The following MRAP2 variants were observed in gnomAD, a reference collection of about 807,000 sequenced individuals.
The protein encoded by MRAP2 is melanocortin-2 receptor accessory protein 2.
A neutral mutation model predicts 17.4 loss-of-function variants in MRAP2; 20 were observed. That is an observed-to-expected ratio of 1.15 (90% CI 0.81 to 1.67). The LOEUF is 1.67. Among genes scored for constraint, MRAP2 ranks in the 40% most tolerant of loss-of-function variants. MRAP2 has a pLI of 0.00. For synonymous variants in MRAP2, 96 were observed against 88.4 expected (o/e 1.09, Z -0.48); for missense variants, 238 against 240.0 (o/e 0.99, Z 0.05).
At chr6:84,134,917 TATACAC>T in the MRAP2 span, among the ~76,000 whole-genome samples, 16 of 73,572 alleles carry the variant, frequency 2.2e-4, no homozygotes, top group East Asian at 2.5e-3. Flanking sequence ...AAAGATCATA[TATACAC>T]ACACACACAC....
the MRAP2 span, among the ~76,000 whole-genome samples, chr6:84,104,319 T>C: frequency 6.6e-6 from 1 of 152,174 alleles, no homozygotes; most frequent in African/African-American, 2.4e-5. Flanking sequence ...GTGCCTGGGA[T>C]GGAAGGGGCT....
chr6:84,142,870 GCC>G, the MRAP2 span, among the ~76,000 whole-genome samples: 3,665 of 152,124 alleles, frequency 0.024, 136 homozygotes, highest in African/African-American at 0.084. Flanking sequence ...TGTGCTGCTT[GCC>G]TAACCTGCAT....
At chr6:84,096,747 G>T in the MRAP2 span, among the ~76,000 whole-genome samples, 1 of 152,108 alleles carries the variant, frequency 6.6e-6, no homozygotes, top group Non-Finnish European at 1.5e-5. Flanking sequence ...GGCACAAATT[G>T]CACTACAGAA....
the MRAP2 span, among the ~76,000 whole-genome samples, chr6:84,109,984 C>T: frequency 6.6e-6 from 1 of 152,136 alleles, no homozygotes; most frequent in African/African-American, 2.4e-5. Context: ...GCCATATTTG[C>T]TTTATCCAGT....
chr6:84,140,448 C>T, the MRAP2 span, among the ~76,000 whole-genome samples: 27 of 152,036 alleles, frequency 1.8e-4, no homozygotes, highest in Non-Finnish European at 3.1e-4. Context: ...CTTTGGATAT[C>T]GAGGGAGATT....
At chr6:84,100,647 A>G in the MRAP2 span, among the ~76,000 whole-genome samples, 3 of 152,272 alleles carry the variant, frequency 2.0e-5, no homozygotes, top group Admixed American at 6.5e-5. Flanking sequence ...CTTGAAAGCT[A>G]TATTTTTCAA....
chr6:84,076,653 C>A (rs2099497708), intron 3 of MRAP2, among the ~76,000 whole-genome samples: 1 of 152,184 alleles, frequency 6.6e-6, no homozygotes, highest in Non-Finnish European at 1.5e-5. Context: ...AGCCACTGCG[C>A]CTGGCCAGGC....
chr6:84,055,129 G>A (rs748410250), intron 1 of MRAP2, among the ~76,000 whole-genome samples, 183 bp from the exon 2 acceptor site: 4 of 152,176 alleles, frequency 2.6e-5, no homozygotes, highest in Non-Finnish European at 5.9e-5. Flanking sequence ...CAAGAGAAAA[G>A]GAAGTAGTGG....
At chr6:84,035,580 A>G (rs941481711) in intron 1 of MRAP2, 4 of 239,002 alleles carry the variant, frequency 1.7e-5, no homozygotes, top group South Asian at 1.5e-4. Context: ...TGCAGGAGCA[A>G]GGGAAAGTAC....
the MRAP2 span, among the ~76,000 whole-genome samples, chr6:84,130,262 T>A: frequency 6.6e-6 from 1 of 152,226 alleles, no homozygotes; most frequent in Non-Finnish European, 1.5e-5. Flanking sequence ...GGATTGCCAG[T>A]ATTTTATTGA....
At chr6:84,119,236 T>C in the MRAP2 span, among the ~76,000 whole-genome samples, 1 of 152,236 alleles carries the variant, frequency 6.6e-6, no homozygotes, top group Non-Finnish European at 1.5e-5. Flanking sequence ...GTAATTTTAA[T>C]AGGAATTTCA....
chr6:84,063,443 A>G (rs976027578), intron 3 of MRAP2: 31 of 979,324 alleles, frequency 3.2e-5, no homozygotes, highest in Non-Finnish European at 3.8e-5. Context: ...CAATTTAACT[A>G]TTGACAATGA....
rs568601531 is a variant in MRAP2 at position 84,050,614 on chromosome 6, C to G, written c.-7-4698C>G. 2.0e-5 allele frequency among the ~76,000 whole-genome samples: 3 copies of G among 152,332 alleles called. No individual in the cohort carries two copies. The South Asian group carries it at 6.2e-4, about 32-fold the overall frequency. On this transcript the variant is annotated intron_variant, in intron 1 of 3. Transcript: ENST00000257776. ...GAGCTTTATCTTTGGTTTCTCAAGT[C>G]TCCTTGCTGGAGGAAAGACAGCGTT...
chr6:84,045,119 T>C (rs781036722), intron 1 of MRAP2: 74 of 588,974 alleles, frequency 1.3e-4, no homozygotes, highest in Non-Finnish European at 1.5e-4. Flanking sequence ...CACCATTTTA[T>C]ACTAGGGACT....
chr6:84,034,110 C>T (rs1170903208), intron 1 of MRAP2, among the ~76,000 whole-genome samples: 1 of 151,876 alleles, frequency 6.6e-6, no homozygotes, highest in Non-Finnish European at 1.5e-5. Context: ...CCCGGCAGCC[C>T]GCTGATGTGC....
At chr6:84,040,126 G>A (rs762664529) in intron 1 of MRAP2, among the ~76,000 whole-genome samples, 2 of 152,160 alleles carry the variant, frequency 1.3e-5, no homozygotes, top group Non-Finnish European at 2.9e-5. Flanking sequence ...TGAATCAGGG[G>A]GTTGGTTGCC....
chr6:84,041,819 C>T (rs1198807171), intron 1 of MRAP2, among the ~76,000 whole-genome samples: 2 of 152,214 alleles, frequency 1.3e-5, no homozygotes, highest in African/African-American at 4.8e-5. Flanking sequence ...TTTTATTTTA[C>T]AGACTGATAG....
chr6:84,107,374 G>T, the MRAP2 span, among the ~76,000 whole-genome samples: 1 of 152,054 alleles, frequency 6.6e-6, no homozygotes, highest in African/African-American at 2.4e-5. Context: ...CAAAACACTG[G>T]ACCCCTAGAA....
At chr6:84,037,142 C>T (rs577226356) in intron 1 of MRAP2, among the ~76,000 whole-genome samples, 3 of 151,722 alleles carry the variant, frequency 2.0e-5, no homozygotes, top group South Asian at 2.1e-4. Flanking sequence ...CTGATTGTTG[C>T]GTTTACAAAC....
Sources: allele counts gnomAD v4.1 joint callset (sites outside exome capture counted in the v4.1 genomes callset), GRCh38; gene constraint gnomAD v4.1.1; transcripts MANE v1.5; gene names NCBI Gene and HGNC (gene_info 2026-07-23, HGNC 2026-07-21).